The following UBR7 variants were observed in gnomAD, a reference collection of about 807,000 sequenced individuals.
The protein encoded by UBR7 is ubiquitin protein ligase E3 component n-recognin 7, also known as putative E3 ubiquitin-protein ligase UBR7.
A neutral mutation model predicts 57.0 loss-of-function variants in UBR7; 22 were observed. The ratio of observed to expected loss-of-function variants is 0.39; its 90% CI spans 0.28 to 0.55. UBR7 has a LOEUF of 0.55. Among genes scored for constraint, UBR7 ranks in the 20% least tolerant of loss-of-function variants. The pLI is 0.69. For missense variants in UBR7, 395 were observed against 513.2 expected (o/e 0.77, Z 2.23); for synonymous variants, 167 against 179.8 (o/e 0.93, Z 0.57).
chr14:93,208,021 C>T (rs1030144304), intron 1 of UBR7, among the ~76,000 whole-genome samples: 3 of 152,106 alleles, frequency 2.0e-5, no homozygotes, highest in Admixed American at 6.5e-5. Context: ...GCCCCCCTCC[C>T]CTGGAAATAG....
intron 4 of UBR7, among the ~76,000 whole-genome samples, chr14:93,213,558 C>T (rs1345589324): frequency 1.3e-5 from 2 of 152,146 alleles, no homozygotes; most frequent in Non-Finnish European, 2.9e-5. Flanking sequence ...CCGCCTGCCT[C>T]GGGCTCCCAA....
At chr14:93,210,065 T>A (rs1894447515) in intron 2 of UBR7, 108 bp downstream of exon 2, 2 of 730,470 alleles carry the variant, frequency 2.7e-6, no homozygotes, top group Non-Finnish European at 4.0e-6. Flanking sequence ...TGAACACTAA[T>A]GAAATTAATT....
chr14:93,227,302 T>A lies in UBR7; in HGVS notation c.*267T>A, dbSNP rs772349303. On this transcript the variant is annotated 3_prime_UTR_variant, in exon 11 of 11. Transcript: ENST00000013070. ...AGTGCACCCAGGGTTATTTGCATAG[T>A]TTTTAAGTTTGATTTTGTTTTGAGA... The A allele has an allele frequency of 6.8e-5, 41 of 601,080 alleles. No homozygotes were observed. Among genetic ancestry groups the A allele is most frequent in the Non-Finnish European group, 1.2e-4 (38 of 323,142 alleles). 37.2% of individuals were successfully genotyped at this position (601,080 alleles called of 1,614,324 possible).
At chr14:93,225,300 T>A (rs1894824935) in intron 10 of UBR7, among the ~76,000 whole-genome samples, 1 of 151,782 alleles carries the variant, frequency 6.6e-6, no homozygotes. Context: ...ATTTAATGTT[T>A]GTATCTAACA....
intron 9 of UBR7, 62 bp downstream of exon 9, chr14:93,220,473 G>A: frequency 6.3e-7 from 1 of 1,589,452 alleles, no homozygotes; most frequent in Non-Finnish European, 8.6e-7. Flanking sequence ...AATATAAAGG[G>A]GGCAGTAAAC....
Position 93,227,075 on chromosome 14 carries a change from G to T in UBR7, c.*40G>T, listed in dbSNP as rs371371104. ...CTTTCTCATTCAAGCCAATGAAAATGCGCTTCCCATTCTTGGAATAAAAGA... is the reference window on the plus strand; with the variant it reads ...CTTTCTCATTCAAGCCAATGAAAATTCGCTTCCCATTCTTGGAATAAAAGA... On this transcript the variant is annotated 3_prime_UTR_variant, in exon 11 of 11. Transcript: ENST00000013070. 1.5e-5 allele frequency: 23 copies of T among 1,497,262 alleles called. No homozygotes were observed. The African/African-American group carries it at 3.2e-4, about 21-fold the overall frequency. 92.7% of individuals were successfully genotyped at this position (1,497,262 alleles called of 1,614,324 possible).
rs1264405505 is a variant in UBR7, at chr14:93,227,605, C to T, written c.*570C>T. On this transcript the variant is annotated 3_prime_UTR_variant, in exon 11 of 11. Coordinates refer to ENST00000013070, the MANE Select transcript of UBR7 (RefSeq NM_175748.4). ...GGGGCTTGTTTTCTCTAGGCCCAAC[C>T]TCCAGAGTAGCCAGGACTGATGGTT... 1.4e-5 allele frequency: 10 copies of T among 700,518 alleles called. No homozygotes were observed. In the East Asian group the frequency reaches 2.7e-4, roughly 19 times the overall value. 43.4% of individuals were successfully genotyped at this position (700,518 alleles called of 1,614,324 possible). A position where few individuals can be genotyped will look rare whatever the true frequency, so the allele number is the denominator to read the frequency against.
At chr14:93,218,868 A>C in intron 7 of UBR7, 133 bp downstream of exon 7, 1 of 900,678 alleles carries the variant, frequency 1.1e-6, no homozygotes, top group Admixed American at 2.8e-5. Context: ...CAGCCTTGGC[A>C]ACATGGGTAA....
intron 9 of UBR7, among the ~76,000 whole-genome samples, chr14:93,220,806 T>A (rs773372722): frequency 1.3e-5 from 2 of 149,178 alleles, no homozygotes; most frequent in Non-Finnish European, 3.0e-5. Flanking sequence ...AAACCCTTGA[T>A]TGAAGGCTTT....
chr14:93,219,937 T>A (rs753863130), intron 8 of UBR7, among the ~76,000 whole-genome samples: 6 of 151,672 alleles, frequency 4.0e-5, no homozygotes, highest in Non-Finnish European at 5.9e-5. Flanking sequence ...ATCATGCCAT[T>A]GCACTCCAGC....
At chr14:93,212,635 A>T (rs1289699996) in intron 4 of UBR7, among the ~76,000 whole-genome samples, 2 of 152,172 alleles carry the variant, frequency 1.3e-5, no homozygotes, top group African/African-American at 4.8e-5. Flanking sequence ...GTTTGAGTGA[A>T]TGTGTGTTTC....
At chr14:93,220,944 A>ATTAT (rs890165042) in intron 9 of UBR7, among the ~76,000 whole-genome samples, 17 of 151,816 alleles carry the variant, frequency 1.1e-4, no homozygotes, top group African/African-American at 3.6e-4. Context: ...TCTGTCTTTT[A>ATTAT]TTATTTATTT....
At chr14:93,223,594 GC>G (rs369474189) in intron 10 of UBR7, 23 of 1,004,142 alleles carry the variant, frequency 2.3e-5, no homozygotes, top group African/African-American at 1.4e-4. Context: ...CGAGGGCCCT[GC>G]CCCTAGAAGA....
chr14:93,212,261 T>G (rs1595265417), intron 4 of UBR7, 134 bp downstream of exon 4: 2 of 679,022 alleles, frequency 2.9e-6, no homozygotes, highest in Non-Finnish European at 2.6e-6. Context: ...TTATCTTTTC[T>G]TATGAATCTG....
At chr14:93,216,242 C>T (rs1206587398) in intron 6 of UBR7, among the ~76,000 whole-genome samples, 2 of 152,130 alleles carry the variant, frequency 1.3e-5, no homozygotes, top group African/African-American at 4.8e-5. Flanking sequence ...GACAGTGTTT[C>T]ACCATGTTGC....
chr14:93,219,054 C>CAA (rs369262547), intron 7 of UBR7, among the ~76,000 whole-genome samples, 158 bp from the exon 8 acceptor site: 16 of 133,322 alleles, frequency 1.2e-4, no homozygotes, highest in Admixed American at 6.9e-4. Flanking sequence ...GATTCCGTCT[C>CAA]AAAAAAAAAA....
intron 4 of UBR7, 96 bp downstream of exon 4, chr14:93,212,223 A>C (rs1595265397): frequency 1.1e-6 from 1 of 895,184 alleles, no homozygotes; most frequent in Admixed American, 2.0e-5. Flanking sequence ...TTCAAGAGGC[A>C]GTGTGGGATG....
chr14:93,219,253 T>C lies in UBR7; in HGVS notation c.852T>C (p.Ser284=). The C allele has an allele frequency of 6.2e-7, 1 of 1,614,216 alleles. No individual in the cohort carries two copies. Among genetic ancestry groups the C allele is most frequent in the Non-Finnish European group, 8.5e-7 (1 of 1,180,038 alleles). ...KNESLNAESK[S]GCKLQELKAK... ...AAAGCCTCAACGCAGAATCAAAATC[T>C]GGCTGCAAACTTCAGGAGCTTAAAG... Residue 284 remains serine, a synonymous_variant, in exon 8 of 11, where the codon TCT becomes TCC. Coordinates refer to ENST00000013070, the MANE Select transcript of UBR7 (RefSeq NM_175748.4).
chr14:93,223,484 A>G, intron 10 of UBR7: 1 of 519,674 alleles, frequency 1.9e-6, no homozygotes, highest in Non-Finnish European at 3.4e-6. Context: ...CTGCTTTCTT[A>G]GAAGATGTCA....
Sources: allele counts gnomAD v4.1 joint callset (sites outside exome capture counted in the v4.1 genomes callset), GRCh38; gene constraint gnomAD v4.1.1; transcripts MANE v1.5; gene names NCBI Gene and HGNC (gene_info 2026-07-23, HGNC 2026-07-21).